The following PTK2 variants were observed in gnomAD, a reference collection of about 807,000 sequenced individuals.
PTK2 encodes the protein focal adhesion kinase 1.
Under a neutral mutation model 150.1 loss-of-function variants are expected in PTK2, and 45 were observed. That is an observed-to-expected ratio of 0.30 (90% confidence interval 0.24 to 0.38). PTK2 has a LOEUF of 0.38. Among genes scored for constraint, PTK2 ranks in the 10% least tolerant of loss-of-function variants. The pLI, the probability that PTK2 is intolerant of heterozygous loss-of-function variation, is 1.00. For missense variants in PTK2, 919 were observed against 1,307.3 expected, an observed-to-expected ratio of 0.70 and a Z score of 4.58; for synonymous variants, 432 against 449.2, an observed-to-expected ratio of 0.96 and a Z score of 0.48.
At chr8:140,715,155 GTTTTTTTTTTTTTTTTTTTTTT>G (rs67306225) in intron 23 of PTK2, among the ~76,000 whole-genome samples, 6 of 56,014 alleles carry the variant, frequency 1.1e-4, no homozygotes, top group Admixed American at 5.0e-4. Flanking sequence ...CATTAAAACC[GTTTTTTTTTTTTTTTTTTTTTT>G]TTTTTTTTTT....
intron 29 of PTK2, among the ~76,000 whole-genome samples, chr8:140,673,910 T>C (rs2100012092): frequency 6.6e-6 from 1 of 152,186 alleles, no homozygotes; most frequent in African/African-American, 2.4e-5. Context: ...GCCACACTTA[T>C]AAACTCCTAC....
chr8:140,878,075 C>T (rs971811094), intron 4 of PTK2, among the ~76,000 whole-genome samples: 2 of 152,122 alleles, frequency 1.3e-5, no homozygotes, highest in African/African-American at 4.8e-5. Context: ...AACACAAAAA[C>T]CCTGCAGGTA....
chr8:140,683,126 GAGA>G (rs1464498227), intron 27 of PTK2, among the ~76,000 whole-genome samples: 4 of 152,004 alleles, frequency 2.6e-5, no homozygotes, highest in African/African-American at 4.8e-5. Flanking sequence ...TAAAAAAAGA[GAGA>G]AGATCGAAAA....
chr8:140,979,360 AG>A (rs2100190541), intron 1 of PTK2, among the ~76,000 whole-genome samples: 1 of 152,010 alleles, frequency 6.6e-6, no homozygotes, highest in African/African-American at 2.4e-5. Flanking sequence ...ATAATGATAA[AG>A]GATTGCAATC....
At chr8:140,921,994 C>T (rs895894926) in intron 2 of PTK2, among the ~76,000 whole-genome samples, 4 of 151,858 alleles carry the variant, frequency 2.6e-5, no homozygotes, top group African/African-American at 9.7e-5. Flanking sequence ...CTCTACAGTT[C>T]TAGCTTTCCT....
chr8:140,885,302 T>G (rs887561680), intron 3 of PTK2, among the ~76,000 whole-genome samples: 1 of 152,168 alleles, frequency 6.6e-6, no homozygotes, highest in African/African-American at 2.4e-5. Flanking sequence ...CTCTCAGAAA[T>G]ATTCCATTTC....
At chr8:140,953,322 C>A (rs2100180126) in intron 1 of PTK2, among the ~76,000 whole-genome samples, 1 of 152,114 alleles carries the variant, frequency 6.6e-6, no homozygotes, top group Non-Finnish European at 1.5e-5. Context: ...ACAAGAATAA[C>A]ATAATAAAAT....
chr8:140,818,506 C>T (rs2100106124), intron 9 of PTK2, 152 bp from the exon 10 acceptor site: 2 of 697,388 alleles, frequency 2.9e-6, no homozygotes, highest in African/African-American at 3.6e-5. Flanking sequence ...ATATTTATAA[C>T]TTCATTGACC....
At chr8:140,717,554 G>C in intron 23 of PTK2, 44 bp downstream of exon 26, 1 of 1,454,796 alleles carries the variant, frequency 6.9e-7, no homozygotes, top group Non-Finnish European at 9.7e-7. Context: ...AATCTTGAAA[G>C]TTAGTAAGAG....
intron 14 of PTK2, among the ~76,000 whole-genome samples, chr8:140,778,426 G>A (rs193205453): frequency 3.9e-5 from 6 of 152,352 alleles, no homozygotes; most frequent in African/African-American, 1.4e-4. Flanking sequence ...ACTCCAGCCT[G>A]GGTGACAGAG....
intron 16 of PTK2, among the ~76,000 whole-genome samples, chr8:140,759,547 A>AAAAAAAAG (rs61363869): frequency 6.6e-6 from 1 of 150,478 alleles, no homozygotes; most frequent in Non-Finnish European, 1.5e-5. Context: ...AAAAAAAAAA[A>AAAAAAAAG]AAAAAAAGAA....
At chr8:140,723,531 G>A (rs1030990161) in intron 22 of PTK2, among the ~76,000 whole-genome samples, 5 of 152,234 alleles carry the variant, frequency 3.3e-5, no homozygotes, top group African/African-American at 1.2e-4. Flanking sequence ...TACAGCTGCT[G>A]AAGAATCCAC....
chr8:140,885,263 C>G (rs1330759489), intron 3 of PTK2, among the ~76,000 whole-genome samples: 1 of 152,174 alleles, frequency 6.6e-6, no homozygotes, highest in Admixed American at 6.5e-5. Context: ...AGGCTTTCTA[C>G]TTCTGTGGTC....
chr8:140,992,595 C>T (rs1015082169), intron 1 of PTK2, among the ~76,000 whole-genome samples: 4 of 152,150 alleles, frequency 2.6e-5, no homozygotes, highest in African/African-American at 9.7e-5. Flanking sequence ...GCTACAATTC[C>T]GTCACTACTC....
chr8:140,667,794 T>C (rs1200874293), intron 30 of PTK2, among the ~76,000 whole-genome samples: 1 of 152,234 alleles, frequency 6.6e-6, no homozygotes, highest in Admixed American at 6.5e-5. Context: ...CCTCCCAATG[T>C]ACCTTTCTTC....
chr8:140,900,509 G>A (rs972049890), intron 2 of PTK2, among the ~76,000 whole-genome samples: 1 of 151,992 alleles, frequency 6.6e-6, no homozygotes. Flanking sequence ...ATCACTAGAG[G>A]CCAGGAGTTC....
rs555959465 is a variant in PTK2, at chr8:140,759,847, C to A, written c.1332+1318G>T. The stretch of plus-strand genomic sequence containing the variant: ...GACAGAGCAAGACTCTCTCTCTCAC[C>A]CACACACACACACACACACAAACAA... On this transcript the variant is annotated intron_variant, in intron 16 of 31. Coordinates refer to ENST00000522684, the Ensembl canonical transcript of PTK2. Among the ~76,000 whole-genome samples, 676 of 144,762 alleles carry A rather than the reference C, an allele frequency of 4.7e-3. 4 individuals are homozygous for A. Among genetic ancestry groups the A allele is most frequent in the African/African-American group, 0.016 (639 of 39,648 alleles). 95.0% of individuals were successfully genotyped at this position (144,762 alleles called of 152,430 possible). A position where few individuals can be genotyped will look rare whatever the true frequency, so the allele number is the denominator to read the frequency against.
At chr8:140,917,027 A>C (rs2100165524) in intron 2 of PTK2, among the ~76,000 whole-genome samples, 1 of 152,206 alleles carries the variant, frequency 6.6e-6, no homozygotes, top group South Asian at 2.1e-4. Flanking sequence ...TTTCTGAATA[A>C]ATTTTAGCTA....
intron 2 of PTK2, among the ~76,000 whole-genome samples, chr8:140,896,788 C>T (rs58323650): frequency 5.9e-5 from 4 of 67,302 alleles, no homozygotes; most frequent in South Asian, 1.4e-3. Context: ...CCCAAAAAAA[C>T]GGGGGGGGGG....
Sources: allele counts gnomAD v4.1 joint callset (sites outside exome capture counted in the v4.1 genomes callset), GRCh38; gene constraint gnomAD v4.1.1; transcripts MANE v1.5; gene names NCBI Gene and HGNC (gene_info 2026-07-23, HGNC 2026-07-21).